LGMN: variants seen among roughly 807,000 people sequenced by gnomAD.
LGMN encodes legumain, also known as asparaginyl endopeptidase.
A neutral mutation model predicts 56.8 loss-of-function variants in LGMN; 36 were observed. That is an observed-to-expected ratio of 0.63 (90% CI 0.49 to 0.84). The LOEUF is 0.84. Ranked by LOEUF, LGMN falls within the 40% of genes least tolerant of loss-of-function variation. The pLI is 0.00. For synonymous variants in LGMN, 199 were observed against 210.1 expected, an observed-to-expected ratio of 0.95 and a Z score of 0.46; for missense variants, 446 against 556.1, an observed-to-expected ratio of 0.80 and a Z score of 1.99.
chr14:92,731,003 A>G (rs184109350), intron 2 of LGMN, among the ~76,000 whole-genome samples: 3 of 152,112 alleles, frequency 2.0e-5, no homozygotes, highest in African/African-American at 7.2e-5. Context: ...AACATTTACC[A>G]TGGCTCTTTT....
intron 12 of LGMN, 184 bp from the exon 13 acceptor site, chr14:92,704,891 C>T: frequency 5.3e-6 from 3 of 571,324 alleles, no homozygotes. Flanking sequence ...GAAAGAGGCA[C>T]ACATGCCAGG....
At chr14:92,718,934 A>G (rs979777309) in intron 2 of LGMN, 90 bp from the exon 3 acceptor site, 1 of 760,580 alleles carries the variant, frequency 1.3e-6, no homozygotes, top group African/African-American at 1.8e-5. Context: ...CTCCTGGAAG[A>G]CTTACTGTGA....
At chr14:92,713,358 G>A (rs926528810) in intron 7 of LGMN, among the ~76,000 whole-genome samples, 5 of 152,258 alleles carry the variant, frequency 3.3e-5, no homozygotes, top group Non-Finnish European at 5.9e-5. Flanking sequence ...GGGACTACAG[G>A]AGTGAGCCAC....
At position 92,714,076 on chromosome 14, in the gene LGMN, A is replaced by G. The variant is rs557303286; in HGVS notation, c.481-191T>C. 3.2e-4 allele frequency among the ~76,000 whole-genome samples: 49 copies of G among 152,260 alleles called. No individual in the cohort carries two copies. Among genetic ancestry groups the G allele is most frequent in the African/African-American group, 1.2e-3 (49 of 41,550 alleles). On this transcript the variant is annotated intron_variant, in intron 6 of 13. Transcript: ENST00000334869. The surrounding 1 kb of genome is among the most constrained non-coding windows in gnomAD (Gnocchi z 5.1). ...GCATTTAAAAAGGGCAAGAGGATGT[A>G]CCTCTTCACCCATTACTTTGTCCGG...
At position 92,716,157 on chromosome 14, in the gene LGMN, C is replaced by A; in HGVS notation, c.383G>T (p.Gly128Val). 6.2e-7 allele frequency: 1 copy of A among 1,612,622 alleles called. No individual in the cohort carries two copies. Among genetic ancestry groups the A allele is most frequent in the South Asian group, 1.1e-5 (1 of 90,950 alleles). The change falls in exon 5 of 14, where the codon GGA becomes GTA. Residue 128 changes from glycine (G) to valine (V), a missense_variant. Physicochemically the swap from Gly to Val is moderately radical, Grantham distance 109. Coordinates refer to ENST00000334869, the MANE Select transcript of LGMN (RefSeq NM_005606.7). ...TTACCTCTTCAGGACTTTGCCGGATCCTATGCCCTTCACTGCTTCTGCATC... is the reference window on the plus strand; with the variant it reads ...TTACCTCTTCAGGACTTTGCCGGATACTATGCCCTTCACTGCTTCTGCATC... ...RGDAEAVKGI[G>V]SGKVLKSGPQ...
rs371889733 is a variant in LGMN at position 92,709,732 on chromosome 14, C to T, written c.960G>A (p.Met320Ile). ...TGGACTCCTCCAGATCATTGGTGTT[C>T]ATCAGTTTCCTTTTCATGATGGTGA... ...VPLTIMKRKL[M>I]NTNDLEESRQ... The change falls in exon 11 of 14, where the codon ATG (methionine) becomes ATA (isoleucine). Residue 320 changes from methionine (M) to isoleucine (I), a missense_variant. By Grantham distance (10) the Met-to-Ile change is conservative (BLOSUM62 1). Coordinates refer to ENST00000334869, the MANE Select transcript of LGMN (RefSeq NM_005606.7). 7.4e-6 allele frequency: 12 copies of T among 1,613,924 alleles called. No homozygotes were observed. Among genetic ancestry groups the T allele is most frequent in the Non-Finnish European group, 7.6e-6 (9 of 1,179,972 alleles).
chr14:92,736,587 C>A (rs572288852), intron 1 of LGMN, among the ~76,000 whole-genome samples: 36 of 152,220 alleles, frequency 2.4e-4, no homozygotes, highest in African/African-American at 8.4e-4. Flanking sequence ...CAGAGCGAGA[C>A]CCTGTCTTAA....
chr14:92,713,602 C>T (rs961046607), intron 7 of LGMN, among the ~76,000 whole-genome samples: 1 of 152,210 alleles, frequency 6.6e-6, no homozygotes, highest in Non-Finnish European at 1.5e-5. Context: ...CTGGGTCAAA[C>T]TCTGGGGGCG....
chr14:92,719,212 GCCACCAACACCACCA>G (rs1260032529), intron 2 of LGMN, among the ~76,000 whole-genome samples: 2 of 48,918 alleles, frequency 4.1e-5, no homozygotes, highest in Admixed American at 2.1e-4. Context: ...CACCACCACC[GCCACCAACACCACCA>G]CCGCCACCGC....
chr14:92,743,502 CAA>C (rs775402397), intron 1 of LGMN, among the ~76,000 whole-genome samples: 2 of 136,674 alleles, frequency 1.5e-5, no homozygotes, highest in Non-Finnish European at 3.2e-5. Context: ...GACTCCGTCT[CAA>C]AAAAAAAAAA....
chr14:92,719,272 G>A (rs866002581), intron 2 of LGMN, among the ~76,000 whole-genome samples: 3,191 of 16,416 alleles, frequency 0.19, 120 homozygotes, highest in Non-Finnish European at 0.24. Flanking sequence ...CACCGCCGCC[G>A]CCGCCACCGC....
At chr14:92,720,556 A>T (rs1226215261) in intron 2 of LGMN, among the ~76,000 whole-genome samples, 1 of 152,178 alleles carries the variant, frequency 6.6e-6, no homozygotes, top group Non-Finnish European at 1.5e-5. Flanking sequence ...AATCCTAGCT[A>T]CTTGGGAGGC....
chr14:92,704,583 C>A, intron 13 of LGMN, 57 bp downstream of exon 13: 1 of 1,422,678 alleles, frequency 7.0e-7, no homozygotes, highest in Non-Finnish European at 9.9e-7. Flanking sequence ...AGGATGGCAG[C>A]CCCTTCTGCT....
intron 2 of LGMN, among the ~76,000 whole-genome samples, chr14:92,721,889 T>A (rs1302428163): frequency 6.6e-6 from 1 of 152,174 alleles, no homozygotes; most frequent in African/African-American, 2.4e-5. Flanking sequence ...CCCCTGAATC[T>A]ATAAAAACTT....
intron 1 of LGMN, among the ~76,000 whole-genome samples, chr14:92,745,595 AC>A (rs1891780868): frequency 6.6e-6 from 1 of 151,950 alleles, no homozygotes; most frequent in Non-Finnish European, 1.5e-5. Flanking sequence ...ATACATACCC[AC>A]TCTACAAGCA....
At chr14:92,726,726 C>T (rs1890760335) in intron 2 of LGMN, among the ~76,000 whole-genome samples, 1 of 152,166 alleles carries the variant, frequency 6.6e-6, no homozygotes, top group Non-Finnish European at 1.5e-5. Context: ...TCCTCCTCCC[C>T]ATCTACCTGG....
At chr14:92,733,874 CTA>C (rs1307068663) in intron 1 of LGMN, 1 of 152,086 alleles carries the variant, frequency 6.6e-6, no homozygotes, top group African/African-American at 2.4e-5. Flanking sequence ...ATAAAATAAA[CTA>C]CACAGAAAAA....
At chr14:92,718,599 C>T (rs934988542) in intron 3 of LGMN, 148 bp downstream of exon 3, 7 of 432,326 alleles carry the variant, frequency 1.6e-5, no homozygotes, top group Admixed American at 7.3e-5. Flanking sequence ...AAAAAAAAAG[C>T]TCAACATGAG....
At chr14:92,718,702 A>T (rs769368112) in intron 3 of LGMN, 45 bp downstream of exon 3, 3 of 1,298,476 alleles carry the variant, frequency 2.3e-6, no homozygotes, top group Non-Finnish European at 3.4e-6. Context: ...TTTTTTAAAT[A>T]CCCTGAAGTC....
Sources: gnomAD v4.1 joint callset for allele counts (sites outside exome capture counted in the v4.1 genomes callset) on GRCh38, gnomAD v4.1.1 for gene constraint, Gnocchi (gnomAD v3.1) non-coding constraint, MANE v1.5 for transcripts, NCBI Gene and HGNC (gene_info 2026-07-23, HGNC 2026-07-21) for gene names.